The following VCAN variants were observed in gnomAD, a reference collection of about 807,000 sequenced individuals.
VCAN encodes versican, also known as versican core protein.
VCAN carries 44 observed loss-of-function variants against 245.5 expected under a neutral mutation model. The ratio of observed to expected loss-of-function variants is 0.18; its 90% confidence interval spans 0.14 to 0.23. VCAN has a LOEUF of 0.23. Among genes scored for constraint, VCAN ranks in the 10% least tolerant of loss-of-function variants. VCAN has a pLI of 1.00. For synonymous variants in VCAN, 1,413 were observed against 1,437.0 expected (o/e 0.98, Z 0.38); for missense variants, 3,793 against 4,057.9 (o/e 0.93, Z 1.77).
chr5:83,548,976 T>C (rs1747349001), intron 10 of VCAN, among the ~76,000 whole-genome samples: 1 of 152,248 alleles, frequency 6.6e-6, no homozygotes, highest in South Asian at 2.1e-4. Flanking sequence ...GGATGGATGA[T>C]GGCTACATTT....
At chr5:83,530,142 A>C (rs1222030680) in intron 7 of VCAN, among the ~76,000 whole-genome samples, 1 of 152,154 alleles carries the variant, frequency 6.6e-6, no homozygotes, top group Admixed American at 6.6e-5. Context: ...TTGGCTCTAT[A>C]GGACCTAAGA....
intron 10 of VCAN, among the ~76,000 whole-genome samples, chr5:83,549,492 C>A (rs13153507): frequency 0.19 from 28,469 of 152,076 alleles, 3,363 homozygotes; most frequent in Non-Finnish European, 0.26. Flanking sequence ...GAAAAGTGAA[C>A]CTAAATGGCT....
intron 3 of VCAN, 43 bp downstream of exon 3, chr5:83,490,515 C>G: frequency 1.2e-6 from 2 of 1,610,124 alleles, no homozygotes; most frequent in Non-Finnish European, 1.7e-6. Flanking sequence ...TAACATGACA[C>G]CTGGTTCAGA....
At chr5:83,485,888 C>A (rs1744776499) in intron 2 of VCAN, among the ~76,000 whole-genome samples, 1 of 152,046 alleles carries the variant, frequency 6.6e-6, no homozygotes, top group South Asian at 2.1e-4. Context: ...GTGATTGAGC[C>A]CAGTAGTTCA....
chr5:83,540,439 C>A lies in VCAN; in HGVS notation c.7436C>A (p.Ala2479Asp), dbSNP rs758541199. The change falls in exon 8 of 15, where the codon GCT becomes GAT. Residue 2479 changes from alanine to aspartate, a missense_variant. Ala to Asp is a moderately radical substitution (Grantham distance 126). Around this residue, in one of 5 missense-constraint regions of VCAN, gnomAD observed 3,182 missense variants for 3,250.3 expected, o/e 0.98. Coordinates refer to ENST00000265077, the MANE Select transcript of VCAN (RefSeq NM_004385.5). Reference sequence around the variant, plus strand: ...GTGCCAAGCGCTAAAGCTGTTACTGCTGATGGATTCCCAACAGTTTCAGTG... The same window carrying A: ...GTGCCAAGCGCTAAAGCTGTTACTGATGATGGATTCCCAACAGTTTCAGTG... ...PEVPSAKAVT[A>D]DGFPTVSVML... 6.2e-7 allele frequency: 1 copy of A among 1,614,022 alleles called. No individual in the cohort carries two copies. Among genetic ancestry groups the A allele is most frequent in the South Asian group, 1.1e-5 (1 of 91,078 alleles).
At chr5:83,476,850 A>G (rs971794970) in intron 1 of VCAN, among the ~76,000 whole-genome samples, 7 of 152,172 alleles carry the variant, frequency 4.6e-5, no homozygotes, top group Non-Finnish European at 8.8e-5. Context: ...TTTACCAACT[A>G]TAAAAGGATA....
At chr5:83,516,201 G>A (rs308360) in intron 6 of VCAN, among the ~76,000 whole-genome samples, 36,336 of 151,880 alleles carry the variant, frequency 0.24, 4,607 homozygotes, top group East Asian at 0.38. Flanking sequence ...GGAGAATGGC[G>A]TGAACCTGGG....
chr5:83,558,976 T>G (rs577109483), intron 12 of VCAN, among the ~76,000 whole-genome samples: 29 of 152,152 alleles, frequency 1.9e-4, no homozygotes, highest in Non-Finnish European at 3.2e-4. Context: ...AGTTTTTACT[T>G]TGTCACTTGG....
Position 83,509,032 on chromosome 5 carries a change from AAAAG to A in VCAN, c.749-3053_749-3050del, listed in dbSNP as rs758201936. Among the ~76,000 whole-genome samples, 567 of 151,074 alleles carry A rather than the reference AAAAG, an allele frequency of 3.8e-3. 1 individual carries two copies. The highest frequency in any genetic ancestry group is 5.0e-3 in the Non-Finnish European group (338 of 67,898). ...ATTTAGCAAGACTCTATCTTTTTTG[AAAAG>A]AAAGAAAGAAAGAAAGAGAAAGAAA... On this transcript the variant is annotated intron_variant, in intron 5 of 14. Coordinates refer to ENST00000265077, the MANE Select transcript of VCAN (RefSeq NM_004385.5).
intron 5 of VCAN, among the ~76,000 whole-genome samples, chr5:83,505,825 A>T (rs886685526): frequency 6.6e-6 from 1 of 152,162 alleles, no homozygotes; most frequent in Non-Finnish European, 1.5e-5. Context: ...AGGCATTTCC[A>T]TACATCTTAT....
chr5:83,572,268 CT>C, intron 12 of VCAN, 147 bp from the exon 13 acceptor site: 1 of 959,050 alleles, frequency 1.0e-6, no homozygotes, highest in Non-Finnish European at 1.6e-6. Flanking sequence ...GTTTAACAGT[CT>C]TTTTCTGTAC....
chr5:83,496,103 C>T (rs1188400563), intron 5 of VCAN, among the ~76,000 whole-genome samples: 1 of 152,192 alleles, frequency 6.6e-6, no homozygotes, highest in Non-Finnish European at 1.5e-5. Flanking sequence ...GGTGGGAGTC[C>T]TTCCAGGGAT....
chr5:83,521,443 T>G lies in VCAN; in HGVS notation c.3137T>G (p.Val1046Gly). The change falls in exon 7 of 15, where the codon GTT (valine) becomes GGT (glycine). Residue 1046 changes from valine to glycine, a missense_variant. By Grantham distance (109) the Val-to-Gly change is moderately radical. Coordinates refer to ENST00000265077, the MANE Select transcript of VCAN (RefSeq NM_004385.5). ...AAAGAACAGACTGCAGAGAAACCAG[T>G]TCCTGCTCTCAGTTCTACAGCTTGG... ...PWKEQTAEKP[V>G]PALSSTAWTP... 6.2e-7 allele frequency: 1 copy of G among 1,614,124 alleles called. No individual in the cohort carries two copies. The highest frequency in any genetic ancestry group is 8.5e-7 in the Non-Finnish European group (1 of 1,180,016).
At position 83,540,286 on chromosome 5, in the gene VCAN, C is replaced by T. The variant is rs543483557; in HGVS notation, c.7283C>T (p.Pro2428Leu). The T allele has an allele frequency of 2.8e-5, 46 of 1,614,078 alleles. No individual in the cohort carries two copies. The highest frequency in any genetic ancestry group is 1.1e-4 in the East Asian group (5 of 44,876). The change falls in exon 8 of 15, where the codon CCT (proline) becomes CTT (leucine). Residue 2428 changes from proline to leucine, a missense_variant. Pro to Leu is a moderately conservative substitution (Grantham distance 98). Transcript: ENST00000265077. ...APKPSDLYYE[P>L]SGEGSGEVDI... ...AAACCATCTGACTTGTATTATGAAC[C>T]TTCTGGAGAAGGATCTGGAGAAGTG...
At position 83,538,469 on chromosome 5, in the gene VCAN, C is replaced by T; in HGVS notation, c.5466C>T (p.Thr1822=). 2 of 1,613,974 alleles carry T rather than the reference C, an allele frequency of 1.2e-6. No individual in the cohort carries two copies. Among genetic ancestry groups the T allele is most frequent in the Non-Finnish European group, 1.7e-6 (2 of 1,179,944 alleles). ...IHQPGVQEGL[T]TLPRSPASVF... ...AACCTGGGGTTCAGGAAGGGCTGAC[C>T]ACTCTCCCACGTAGTCCTGCCTCTG... Residue 1822 remains threonine (T), a synonymous_variant, in exon 8 of 15, where the codon ACC becomes ACT. Coordinates refer to ENST00000265077, the MANE Select transcript of VCAN (RefSeq NM_004385.5).
At chr5:83,490,590 G>A in intron 3 of VCAN, 118 bp downstream of exon 3, 1 of 1,425,190 alleles carries the variant, frequency 7.0e-7, no homozygotes, top group Non-Finnish European at 9.6e-7. Flanking sequence ...AAAAACACCT[G>A]TCAATCCAGT....
intron 7 of VCAN, among the ~76,000 whole-genome samples, chr5:83,524,499 TCTAC>T (rs1211862810): frequency 5.3e-5 from 8 of 151,680 alleles, no homozygotes; most frequent in African/African-American, 1.7e-4. Flanking sequence ...TAATTATGTA[TCTAC>T]CTACCTACCT....
At chr5:83,578,485 TA>T (rs527595376) in intron 13 of VCAN, among the ~76,000 whole-genome samples, 18 of 147,262 alleles carry the variant, frequency 1.2e-4, no homozygotes, top group South Asian at 2.2e-4. Context: ...ACTTAAAAGT[TA>T]AAAAAAAAAG....
rs567339457 is a variant in VCAN, at chr5:83,538,066, C to T, written c.5063C>T (p.Thr1688Ile). ...AGCTTTTTTGAGGTTCCTGCAACCA[C>T]CATTTATCCAGTTTCTGAACAACCT... Reference protein sequence around the residue: ...TESFFEVPATTIYPVSEQPSA... With the variant: ...TESFFEVPATIIYPVSEQPSA... Residue 1688 changes from threonine to isoleucine, a missense_variant, in exon 8 of 15, where the codon ACC becomes ATC. This residue lies in a region of VCAN where 3,182 missense variants were observed against 3,250.3 expected (regional missense o/e 0.98). Transcript: ENST00000265077. The T allele has an allele frequency of 1.2e-6, 2 of 1,614,060 alleles. No homozygotes were observed. Among genetic ancestry groups the T allele is most frequent in the East Asian group, 2.2e-5 (1 of 44,862 alleles).
Sources: gnomAD v4.1 joint callset for allele counts (sites outside exome capture counted in the v4.1 genomes callset) on GRCh38, gnomAD v4.1.1 for gene constraint, gnomAD v4.1.1 regional missense constraint, MANE v1.5 for transcripts, NCBI Gene and HGNC (gene_info 2026-07-23, HGNC 2026-07-21) for gene names.